Variants in P3H2 observed in about 807,000 individuals in gnomAD.
P3H2 encodes leprecan-like 1.
In P3H2, 80 loss-of-function variants were observed where a neutral mutation model predicts 87.0. The observed-to-expected ratio is 0.92, with a 90% CI of 0.77 to 1.11. P3H2 has a LOEUF of 1.11. P3H2 is among the 50% of genes least tolerant of loss of function. The pLI is 0.00. For synonymous variants in P3H2, 367 were observed against 359.3 expected (o/e 1.02, Z -0.24); for missense variants, 1,001 against 923.9 (o/e 1.08, Z -1.08).
intron 1 of P3H2, among the ~76,000 whole-genome samples, chr3:190,024,037 C>T (rs1345019890): frequency 6.6e-6 from 1 of 152,042 alleles, no homozygotes; most frequent in Non-Finnish European, 1.5e-5. Context: ...AGAGGATATA[C>T]TATAATATTA....
intron 1 of P3H2, among the ~76,000 whole-genome samples, chr3:190,064,157 T>A (rs1396868549): frequency 6.9e-6 from 1 of 144,812 alleles, no homozygotes; most frequent in South Asian, 2.3e-4. Context: ...ACACCTAACT[T>A]TTTTTTTTTT....
chr3:190,075,031 T>C (rs1022630045), intron 1 of P3H2, among the ~76,000 whole-genome samples: 2 of 152,226 alleles, frequency 1.3e-5, no homozygotes, highest in African/African-American at 4.8e-5. Context: ...CCCTCAGCTA[T>C]CATTCATCCA....
intron 1 of P3H2, among the ~76,000 whole-genome samples, chr3:190,014,345 T>G (rs964382782): frequency 3.9e-5 from 6 of 152,256 alleles, no homozygotes; most frequent in African/African-American, 1.4e-4. Context: ...CAGGTATGGC[T>G]ACGTGAGAAG....
In P3H2 at chr3:190,050,008, G is replaced by C. The variant is rs564927931; in HGVS notation, c.481-54566C>G. On this transcript the variant is annotated intron_variant, in intron 1 of 14. Coordinates refer to ENST00000319332, the MANE Select transcript of P3H2 (RefSeq NM_018192.4). ...ATACTCTGTAATATCTCTCAAAGCT[G>C]GTTGACCCAGAAACTTGCAAAATAT... Among the ~76,000 whole-genome samples the C allele has an allele frequency of 2.0e-5, 3 of 152,252 alleles. No homozygotes were observed. In the East Asian group the frequency reaches 5.8e-4, roughly 29 times the overall value.
intron 1 of P3H2, among the ~76,000 whole-genome samples, chr3:190,076,839 T>A (rs1484421600): frequency 6.6e-6 from 1 of 152,168 alleles, no homozygotes; most frequent in Non-Finnish European, 1.5e-5. Context: ...GTAATGATGA[T>A]TCATTTTATC....
chr3:190,113,848 C>A (rs1046236105), intron 1 of P3H2, among the ~76,000 whole-genome samples: 1 of 152,018 alleles, frequency 6.6e-6, no homozygotes, highest in East Asian at 1.9e-4. Flanking sequence ...GAGGCCGAGG[C>A]GGGCGGATCA....
chr3:190,008,770 C>T lies in P3H2; in HGVS notation c.481-13328G>A, dbSNP rs1004642729. On this transcript the variant is annotated intron_variant, in intron 1 of 14. Transcript: ENST00000319332. ...CTTTACTTCATCTTTCCATTCCACCCGAGCAACATTTAATGAGGGGCCTGT... is the reference window on the plus strand; with the variant it reads ...CTTTACTTCATCTTTCCATTCCACCTGAGCAACATTTAATGAGGGGCCTGT... Among the ~76,000 whole-genome samples, 3 of 152,024 alleles carry T rather than the reference C, an allele frequency of 2.0e-5. No individual in the cohort carries two copies. The East Asian group carries it at 5.8e-4, about 29-fold the overall frequency.
intron 1 of P3H2, among the ~76,000 whole-genome samples, chr3:190,027,467 A>C (rs78313722): frequency 0.032 from 4,831 of 152,108 alleles, 246 homozygotes; most frequent in African/African-American, 0.11. Flanking sequence ...AAAATAATTA[A>C]CTCTGAGGAA....
chr3:190,068,002 T>C (rs1207080942), intron 1 of P3H2, among the ~76,000 whole-genome samples: 1 of 152,114 alleles, frequency 6.6e-6, no homozygotes, highest in Admixed American at 6.6e-5. Context: ...ATTTTTCATA[T>C]GATAACAATA....
intron 1 of P3H2, among the ~76,000 whole-genome samples, chr3:190,010,226 T>C (rs2108933874): frequency 6.6e-6 from 1 of 152,158 alleles, no homozygotes; most frequent in South Asian, 2.1e-4. Context: ...ATCCCAATTT[T>C]GCAAATAAGA....
intron 1 of P3H2, among the ~76,000 whole-genome samples, chr3:190,040,787 C>A (rs1190431914): frequency 6.6e-6 from 1 of 151,684 alleles, no homozygotes; most frequent in Non-Finnish European, 1.5e-5. Flanking sequence ...GCATGCAATC[C>A]ATTCAACAAA....
chr3:190,088,084 A>T (rs1727285588), intron 1 of P3H2, among the ~76,000 whole-genome samples: 1 of 152,184 alleles, frequency 6.6e-6, no homozygotes, highest in South Asian at 2.1e-4. Flanking sequence ...CCAAACATAA[A>T]ATTTCATATG....
At position 190,120,652 on chromosome 3, in the gene P3H2, G is replaced by T. The variant is rs767495929; in HGVS notation, c.80C>A (p.Pro27Gln). Residue 27 changes from proline to glutamine, a missense_variant, in exon 1 of 15, where the codon CCG becomes CAG. By Grantham distance (76) the Pro-to-Gln change is moderately conservative. Coordinates refer to ENST00000319332, the MANE Select transcript of P3H2 (RefSeq NM_018192.4). ...CTCCAGCTCCCGGCGTGGGCTGTCC[G>T]GGGGGCCGCCCCACAGTGGCGGCGG... is the stretch of plus-strand genomic sequence containing the variant. ...LLPPPLWGGP[P>Q]DSPRRELELE... The T allele has an allele frequency of 6.6e-7, 1 of 1,524,890 alleles. No homozygotes were observed. The highest frequency in any genetic ancestry group is 2.5e-5 in the East Asian group (1 of 39,690). The allele number at this position is 1,524,890 out of a possible 1,614,324, so 94.5% of individuals were successfully genotyped here.
At position 190,029,957 on chromosome 3, in the gene P3H2, G is replaced by A. The variant is rs569870118; in HGVS notation, c.481-34515C>T. On this transcript the variant is annotated intron_variant, in intron 1 of 14. Coordinates refer to ENST00000319332, the MANE Select transcript of P3H2 (RefSeq NM_018192.4). ...GCAGAGGTTGCAGTGAGCCAAGGTC[G>A]TGCCACTGCACTCCAGCCTGAGCAA... Among the ~76,000 whole-genome samples, 127 of 150,944 alleles carry A rather than the reference G, an allele frequency of 8.4e-4. No individual in the cohort carries two copies. In the Middle Eastern group the frequency reaches 0.014, roughly 16 times the overall value.
chr3:189,987,331 T>C (rs971386997), intron 5 of P3H2, among the ~76,000 whole-genome samples, 196 bp downstream of exon 5: 1 of 151,664 alleles, frequency 6.6e-6, no homozygotes, highest in Admixed American at 6.6e-5. Flanking sequence ...AATACAAAAT[T>C]AGCCGGGTGT....
chr3:189,976,917 T>C (rs1008065423), intron 8 of P3H2, among the ~76,000 whole-genome samples: 2 of 152,226 alleles, frequency 1.3e-5, no homozygotes. Context: ...TTTCTCAAAT[T>C]GTGTTGCATT....
chr3:190,048,905 G>T lies in P3H2; in HGVS notation c.481-53463C>A, dbSNP rs7625354. 6.9e-3 allele frequency among the ~76,000 whole-genome samples: 1,053 copies of T among 152,242 alleles called. 16 individuals are homozygous for T. Among genetic ancestry groups the T allele is most frequent in the African/African-American group, 0.025 (1,025 of 41,552 alleles). On this transcript the variant is annotated intron_variant, in intron 1 of 14. Coordinates refer to ENST00000319332, the MANE Select transcript of P3H2 (RefSeq NM_018192.4). The stretch of plus-strand genomic sequence containing the variant: ...CCTTTTAGCCTTAACACCTTCCAAA[G>T]GAAGGAGAAAAATAGCTTTGCAGGT...
intron 1 of P3H2, among the ~76,000 whole-genome samples, chr3:190,009,999 T>C (rs1309790788): frequency 6.6e-6 from 1 of 152,108 alleles, no homozygotes; most frequent in Non-Finnish European, 1.5e-5. Flanking sequence ...GGAAGATGAC[T>C]AGGAGCCTAA....
chr3:190,072,074 C>T (rs1413970271), intron 1 of P3H2, among the ~76,000 whole-genome samples: 9 of 151,594 alleles, frequency 5.9e-5, no homozygotes, highest in Non-Finnish European at 1.2e-4. Context: ...CTCCACCTCC[C>T]AGGTTCTCCT....
Sources: allele counts gnomAD v4.1 joint callset (sites outside exome capture counted in the v4.1 genomes callset), GRCh38; gene constraint gnomAD v4.1.1; transcripts MANE v1.5; gene names NCBI Gene and HGNC (gene_info 2026-07-23, HGNC 2026-07-21).